Variants in MAN1A2 observed in about 807,000 individuals in gnomAD.
The protein encoded by MAN1A2 is mannosyl-oligosaccharide 1,2-alpha-mannosidase IB.
Under a neutral mutation model 75.7 loss-of-function variants are expected in MAN1A2, and 26 were observed. The ratio of observed to expected loss-of-function variants is 0.34; its 90% CI spans 0.25 to 0.48. The LOEUF (loss-of-function observed/expected upper bound fraction) is 0.48, where lower values mean the gene tolerates loss of function less well. MAN1A2 is among the 20% of genes least tolerant of loss of function. The probability of loss-of-function intolerance (pLI) is 0.99; values close to 1 mark genes in which losing one functional copy is unlikely to be tolerated. For missense variants in MAN1A2, 562 were observed against 775.5 expected, an observed-to-expected ratio of 0.72 and a Z score of 3.27; for synonymous variants, 247 against 264.6, an observed-to-expected ratio of 0.93 and a Z score of 0.65.
intron 3 of MAN1A2, among the ~76,000 whole-genome samples, chr1:117,412,032 A>G (rs12074856): frequency 2.6e-5 from 4 of 151,854 alleles, no homozygotes; most frequent in Non-Finnish European, 4.4e-5. Context: ...CGCCAATGAT[A>G]TAAAGAATTT....
intron 12 of MAN1A2, among the ~76,000 whole-genome samples, chr1:117,507,646 G>A (rs145980001): frequency 1.2e-3 from 188 of 151,760 alleles, no homozygotes; most frequent in Admixed American, 1.9e-3. Context: ...GATTTTAGGT[G>A]CATTATTACT....
chr1:117,480,472 A>C (rs1054301904), intron 8 of MAN1A2, among the ~76,000 whole-genome samples: 3 of 151,582 alleles, frequency 2.0e-5, no homozygotes, highest in African/African-American at 7.3e-5. Flanking sequence ...TTTTGTCCAA[A>C]GTTTTTGGTT....
chr1:117,479,973 C>T (rs1203502544), intron 8 of MAN1A2, among the ~76,000 whole-genome samples: 1 of 151,810 alleles, frequency 6.6e-6, no homozygotes, highest in Non-Finnish European at 1.5e-5. Flanking sequence ...GCAAGATCTT[C>T]CTGAGTACTC....
intron 5 of MAN1A2, among the ~76,000 whole-genome samples, chr1:117,427,213 A>C (rs1472509334): frequency 9.2e-5 from 14 of 152,056 alleles, no homozygotes; most frequent in African/African-American, 3.4e-4. Context: ...TAACCCAGAT[A>C]CTGGCATTAG....
At chr1:117,408,799 A>G (rs1212998497) in intron 3 of MAN1A2, among the ~76,000 whole-genome samples, 2 of 151,970 alleles carry the variant, frequency 1.3e-5, no homozygotes, top group African/African-American at 4.8e-5. Flanking sequence ...AGGTTTTTAA[A>G]CTACAAACTT....
At chr1:117,455,422 C>G (rs1323482207) in intron 6 of MAN1A2, among the ~76,000 whole-genome samples, 1 of 151,932 alleles carries the variant, frequency 6.6e-6, no homozygotes, top group Non-Finnish European at 1.5e-5. Flanking sequence ...GTATACCAGT[C>G]TTTGTTTTCA....
chr1:117,488,852 A>G (rs1650793530), intron 8 of MAN1A2, among the ~76,000 whole-genome samples: 1 of 152,232 alleles, frequency 6.6e-6, no homozygotes, highest in African/African-American at 2.4e-5. Context: ...TTAATTATAT[A>G]AGTTACATGT....
intron 1 of MAN1A2, among the ~76,000 whole-genome samples, chr1:117,391,946 G>T (rs1156554829): frequency 6.6e-6 from 1 of 151,820 alleles, no homozygotes; most frequent in Non-Finnish European, 1.5e-5. Context: ...GCTTTCTAAG[G>T]TCTCTTATAT....
At chr1:117,435,511 G>C (rs746337772) in intron 5 of MAN1A2, among the ~76,000 whole-genome samples, 22 of 152,140 alleles carry the variant, frequency 1.4e-4, no homozygotes, top group Non-Finnish European at 3.1e-4. Flanking sequence ...TGAATAGAAA[G>C]GAGAGGATAT....
At chr1:117,470,070 C>G (rs6662424) in intron 8 of MAN1A2, among the ~76,000 whole-genome samples, 39,275 of 151,894 alleles carry the variant, frequency 0.26, 5,732 homozygotes, top group East Asian at 0.47. Flanking sequence ...ACTCAAATGT[C>G]CAACAGATGA....
rs774171636 is a variant in MAN1A2, at chr1:117,499,371, T to A, written c.1505-11T>A. 6.5e-7 allele frequency: 1 copy of A among 1,534,770 alleles called. No individual in the cohort carries two copies. The highest frequency in any genetic ancestry group is 1.3e-5 in the South Asian group (1 of 78,530). The stretch of plus-strand genomic sequence containing the variant: ...TTATTTTGCTCAGTTATTTCTTTTG[T>A]CATGTTACAGCATTAAAGCTAGGTC... On this transcript the variant is annotated splice_polypyrimidine_tract_variant and intron_variant, in intron 10 of 12. Coordinates refer to ENST00000356554, the MANE Select transcript of MAN1A2 (RefSeq NM_006699.5).
chr1:117,451,720 C>T (rs1649424072), intron 6 of MAN1A2, among the ~76,000 whole-genome samples: 1 of 152,234 alleles, frequency 6.6e-6, no homozygotes, highest in Admixed American at 6.5e-5. Context: ...ATGTGCCTTT[C>T]ACCTTCCACC....
intron 8 of MAN1A2, among the ~76,000 whole-genome samples, chr1:117,470,700 G>A (rs3820500): frequency 0.71 from 108,115 of 151,742 alleles, 39,097 homozygotes; most frequent in African/African-American, 0.83. Context: ...AGTCCTTACA[G>A]AATTGTCCAA....
At chr1:117,514,875 T>G (rs762525512) in intron 12 of MAN1A2, 1 of 532,932 alleles carries the variant, frequency 1.9e-6, no homozygotes, top group Non-Finnish European at 3.9e-6. Flanking sequence ...AGAGAACTGT[T>G]TTTCCAGCTG....
In MAN1A2 at chr1:117,446,931, A is replaced by T. The variant is rs1332768658; in HGVS notation, c.950+4606A>T. On this transcript the variant is annotated intron_variant, in intron 6 of 12. Coordinates refer to ENST00000356554, the MANE Select transcript of MAN1A2 (RefSeq NM_006699.5). The stretch of plus-strand genomic sequence containing the variant: ...TCTATTTCTGTCAATTTTTTGCTTC[A>T]TGCATTTTGACGAAGCTTTACTCTT... 5.3e-5 allele frequency among the ~76,000 whole-genome samples: 8 copies of T among 152,048 alleles called. No individual in the cohort carries two copies. In the South Asian group the frequency reaches 1.2e-3, roughly 24 times the overall value.
At chr1:117,451,340 G>A (rs1003324885) in intron 6 of MAN1A2, among the ~76,000 whole-genome samples, 1 of 152,258 alleles carries the variant, frequency 6.6e-6, no homozygotes, top group Admixed American at 6.5e-5. Flanking sequence ...TATCTATAAA[G>A]TAACTAACTT....
chr1:117,498,405 A>G (rs1651100025), intron 10 of MAN1A2, among the ~76,000 whole-genome samples: 1 of 151,888 alleles, frequency 6.6e-6, no homozygotes, highest in Admixed American at 6.6e-5. Flanking sequence ...CATAGTTACT[A>G]TAATTAAATA....
At chr1:117,426,342 T>C (rs1648372606) in intron 5 of MAN1A2, among the ~76,000 whole-genome samples, 1 of 152,134 alleles carries the variant, frequency 6.6e-6, no homozygotes, top group African/African-American at 2.4e-5. Flanking sequence ...ACTGTTTATT[T>C]TGCCTGAGGT....
At chr1:117,421,366 G>T (rs987820543) in intron 5 of MAN1A2, among the ~76,000 whole-genome samples, 1 of 151,944 alleles carries the variant, frequency 6.6e-6, no homozygotes, top group Non-Finnish European at 1.5e-5. Context: ...GTATTATAAA[G>T]ATACATATCT....
Sources: allele counts gnomAD v4.1 joint callset (sites outside exome capture counted in the v4.1 genomes callset), GRCh38; gene constraint gnomAD v4.1.1; transcripts MANE v1.5; gene names NCBI Gene and HGNC (gene_info 2026-07-23, HGNC 2026-07-21).